Variants in GYPB observed in about 807,000 individuals in gnomAD.
GYPB encodes the protein glycophorin-B.
Under a neutral mutation model 15.3 loss-of-function variants are expected in GYPB, and 13 were observed. The observed-to-expected ratio is 0.85, with a 90% CI of 0.55 to 1.35. GYPB has a LOEUF of 1.35. Ranked by LOEUF, GYPB falls within the 40% of genes most tolerant of loss-of-function variation. The pLI is 0.00. For synonymous variants in GYPB, 38 were observed against 36.9 expected, an observed-to-expected ratio of 1.03 and a Z score of -0.11; for missense variants, 131 against 108.3, an observed-to-expected ratio of 1.21 and a Z score of -0.93.
chr4:144,018,045 T>C (rs1245240869), intron 1 of GYPB, among the ~76,000 whole-genome samples: 1 of 151,296 alleles, frequency 6.6e-6, no homozygotes, highest in African/African-American at 2.5e-5. Context: ...ATTACTTATA[T>C]TATTAATACT....
intron 1 of GYPB, among the ~76,000 whole-genome samples, chr4:144,018,336 T>C (rs1405686895): frequency 6.6e-6 from 1 of 151,042 alleles, no homozygotes; most frequent in Non-Finnish European, 1.5e-5. Flanking sequence ...TATTGCACTA[T>C]TTTATCCTCC....
Position 143,996,169 on chromosome 4 carries a change from A to G in GYPB, c.*130T>C. The G allele has an allele frequency of 6.5e-7, 1 of 1,529,366 alleles. No homozygotes were observed. 94.7% of individuals were successfully genotyped at this position (1,529,366 alleles called of 1,614,324 possible). ...AATACAGTAATAGTGAGGCAGGAGA[A>G]CAGGGAATTAGGATAGCCAGGGGTA... is the stretch of plus-strand genomic sequence containing the variant. On this transcript the variant is annotated 3_prime_UTR_variant, in exon 5 of 5. Transcript: ENST00000502664.
In GYPB at chr4:143,999,663, G is replaced by A. The variant is rs570987949; in HGVS notation, c.137-214C>T. 1.3e-4 allele frequency among the ~76,000 whole-genome samples: 20 copies of A among 151,524 alleles called. 2 individuals carry two copies. The highest frequency in any genetic ancestry group is 3.9e-4 in the African/African-American group (16 of 40,854). ...GTATCTACTTTTAATGACCCAACACGTATTCATGGATGAGAAATAAGCAAA... is the reference window on the plus strand; with the variant it reads ...GTATCTACTTTTAATGACCCAACACATATTCATGGATGAGAAATAAGCAAA... On this transcript the variant is annotated intron_variant, in intron 2 of 4. Transcript: ENST00000502664.
intron 1 of GYPB, chr4:144,008,291 G>C (rs1447623395): frequency 2.3e-6 from 1 of 433,164 alleles, no homozygotes; most frequent in Non-Finnish European, 4.6e-6. Flanking sequence ...TTGTCATTGA[G>C]AGATTAAATT....
intron 1 of GYPB, among the ~76,000 whole-genome samples, chr4:144,010,724 C>G (rs1016526427): frequency 1.3e-5 from 2 of 151,260 alleles, no homozygotes; most frequent in Non-Finnish European, 2.9e-5. Flanking sequence ...GCACTCACGG[C>G]CCGCACAAGC....
Position 143,999,428 on chromosome 4 carries a change from TG to T in GYPB, c.157del (p.His53IlefsTer9). 1 of 1,544,204 alleles carries T rather than the reference TG, an allele frequency of 6.5e-7. No individual in the cohort carries two copies. The highest frequency in any genetic ancestry group is 8.9e-7 in the Non-Finnish European group (1 of 1,121,184). ...QTNGETGQLV[H>X]RFTVPAPVVI... ...TAACATACCTGGTACAGTGAAACGA[TG>T]GACAAGTTGTCCCGTTTCTCCTATA... On this transcript the variant is annotated frameshift_variant, in exon 3 of 5. Coordinates refer to ENST00000502664, the MANE Select transcript of GYPB (RefSeq NM_002100.6). LOFTEE classifies it high-confidence loss of function.
intron 1 of GYPB, among the ~76,000 whole-genome samples, chr4:144,005,527 C>G (rs1727867832): frequency 6.6e-6 from 1 of 151,786 alleles, no homozygotes; most frequent in Non-Finnish European, 1.5e-5. Flanking sequence ...ATATCTCTTA[C>G]CCCTCAGTGT....
intron 1 of GYPB, among the ~76,000 whole-genome samples, chr4:144,004,763 C>A: frequency 6.6e-6 from 1 of 151,850 alleles, no homozygotes; most frequent in African/African-American, 2.4e-5. Context: ...ACAGCTCACA[C>A]AACTACTTGG....
chr4:144,003,822 T>A (rs1451966054), intron 1 of GYPB, among the ~76,000 whole-genome samples: 1 of 151,294 alleles, frequency 6.6e-6, no homozygotes, highest in Non-Finnish European at 1.5e-5. Flanking sequence ...GTACTCAAGT[T>A]TACAAAGCTG....
rs1045088505 is a variant in GYPB at position 144,011,605 on chromosome 4, C to G, written c.37+7646G>C. 4.0e-5 allele frequency among the ~76,000 whole-genome samples: 6 copies of G among 150,808 alleles called. No homozygotes were observed. In the East Asian group the frequency reaches 1.2e-3, roughly 29 times the overall value. Reference sequence around the variant, plus strand: ...TAAGAAATTGGCAAAAATACAATACCATTGAGAAATTTTAAGTTTTCTCCA... The same window carrying G: ...TAAGAAATTGGCAAAAATACAATACGATTGAGAAATTTTAAGTTTTCTCCA... On this transcript the variant is annotated intron_variant, in intron 1 of 4. Transcript: ENST00000502664.
chr4:143,996,204 G>C lies in GYPB; in HGVS notation c.*95C>G. The C allele has an allele frequency of 6.5e-7, 1 of 1,548,386 alleles. No homozygotes were observed. Among genetic ancestry groups the C allele is most frequent in the Non-Finnish European group, 8.7e-7 (1 of 1,145,828 alleles). ...AGGATAGCCAGGGGTAGGGGCATAA[G>C]CAAAGGAATAGCAGGTGCAGCCAGT... On this transcript the variant is annotated 3_prime_UTR_variant, in exon 5 of 5. Transcript: ENST00000502664.
chr4:143,996,302 T>C lies in GYPB; in HGVS notation c.273A>G (p.Ala91=), dbSNP rs376441836. Residue 91 remains alanine, a splice_region_variant and synonymous_variant, in exon 5 of 5, where the codon GCA becomes GCG. Coordinates refer to ENST00000502664, the MANE Select transcript of GYPB (RefSeq NM_002100.6). ...ISYSIRRLIK[A] is the part of the protein sequence containing the mutation. ...AGGCAGCATGCAGGCCACATCCTCATGCCTGTGATAAAAAGACAAGAAGTT... is the reference window on the plus strand; with the variant it reads ...AGGCAGCATGCAGGCCACATCCTCACGCCTGTGATAAAAAGACAAGAAGTT... The C allele has an allele frequency of 4.5e-6, 7 of 1,550,780 alleles. No individual in the cohort carries two copies. Among genetic ancestry groups the C allele is most frequent in the African/African-American group, 1.4e-5 (1 of 71,832 alleles).
chr4:144,008,439 T>C (rs1728040960), intron 1 of GYPB: 1 of 455,332 alleles, frequency 2.2e-6, no homozygotes, highest in South Asian at 1.5e-5. Context: ...AACATAGCAT[T>C]GTAGGGTGAC....
chr4:143,997,349 C>T, intron 4 of GYPB, 191 bp downstream of exon 4: 2 of 479,456 alleles, frequency 4.2e-6, no homozygotes, highest in South Asian at 2.4e-5. Flanking sequence ...TTTAGAGGTT[C>T]CCTTTAATTG....
rs7683365 is a variant in GYPB at position 143,999,443 on chromosome 4, G to A, written c.143C>T (p.Thr48Met). The change falls in exon 3 of 5, where the codon ACG becomes ATG. Residue 48 changes from threonine (T) to methionine (M), a missense_variant. Transcript: ENST00000502664. ...SYISSQTNGETGQLVHRFTVP... is the reference protein window; with the variant it reads ...SYISSQTNGEMGQLVHRFTVP... ...AGTGAAACGATGGACAAGTTGTCCCGTTTCTCCTATAAAGCAAAATTTCAA... is the reference window on the plus strand; with the variant it reads ...AGTGAAACGATGGACAAGTTGTCCCATTTCTCCTATAAAGCAAAATTTCAA... 0.29 allele frequency: 433,383 copies of A among 1,495,004 alleles called. 66,928 individuals carry two copies. The highest frequency in any genetic ancestry group is 0.37 in the Middle Eastern group (2,144 of 5,788). 92.6% of individuals were successfully genotyped at this position (1,495,004 alleles called of 1,614,324 possible).
intron 1 of GYPB, among the ~76,000 whole-genome samples, chr4:144,017,431 T>G (rs1374307023): frequency 2.6e-5 from 4 of 151,080 alleles, no homozygotes; most frequent in Non-Finnish European, 5.9e-5. Context: ...ATCTTCCACC[T>G]TTCTGTTATA....
intron 1 of GYPB, among the ~76,000 whole-genome samples, chr4:144,006,365 G>C (rs2149962627): frequency 6.6e-6 from 1 of 152,068 alleles, no homozygotes; most frequent in Admixed American, 6.5e-5. Context: ...TTCTGCCACT[G>C]TTCCCATTGT....
chr4:143,999,490 C>A lies in GYPB; in HGVS notation c.137-41G>T, dbSNP rs369894112. On this transcript the variant is annotated intron_variant, in intron 2 of 4. Coordinates refer to ENST00000502664, the MANE Select transcript of GYPB (RefSeq NM_002100.6). The stretch of plus-strand genomic sequence containing the variant: ...TCAATGTAAGTCCAAATAAGAAAGA[C>A]ATGTGCAAAGAAAAAAATCATTTTG... The A allele has an allele frequency of 8.4e-6, 9 of 1,069,874 alleles. No homozygotes were observed. In the Admixed American group the frequency reaches 1.5e-4, roughly 18 times the overall value. The allele number at this position is 1,069,874 out of a possible 1,614,324, so 66.3% of individuals were successfully genotyped here.
intron 1 of GYPB, among the ~76,000 whole-genome samples, chr4:144,006,582 A>G (rs1282220849): frequency 6.6e-6 from 1 of 152,004 alleles, no homozygotes; most frequent in Non-Finnish European, 1.5e-5. Context: ...GCTGTATGCC[A>G]AAACTTCCAG....
Sources: gnomAD v4.1 joint callset for allele counts (sites outside exome capture counted in the v4.1 genomes callset) on GRCh38, gnomAD v4.1.1 for gene constraint, MANE v1.5 for transcripts, NCBI Gene and HGNC (gene_info 2026-07-23, HGNC 2026-07-21) for gene names.